Variants in SPRED1 observed in about 807,000 individuals in gnomAD.
SPRED1 encodes sprouty-related, EVH1 domain-containing protein 1.
Under a neutral mutation model 52.3 loss-of-function variants are expected in SPRED1, and 18 were observed. That is an observed-to-expected ratio of 0.34 (90% CI 0.24 to 0.51). The LOEUF is 0.51. Among genes scored for constraint, SPRED1 ranks in the 20% least tolerant of loss-of-function variants. The pLI is 0.97. For missense variants in SPRED1, 485 were observed against 551.0 expected, an observed-to-expected ratio of 0.88 and a Z score of 1.20; for synonymous variants, 155 against 179.7, an observed-to-expected ratio of 0.86 and a Z score of 1.10.
chr15:38,346,266 A>G (rs1211882481), intron 5 of SPRED1, among the ~76,000 whole-genome samples: 1 of 151,798 alleles, frequency 6.6e-6, no homozygotes, highest in Non-Finnish European at 1.5e-5. Context: ...ACAGTGAGCC[A>G]CGTACGCCAT....
chr15:38,301,620 G>A (rs1167236479), intron 2 of SPRED1, among the ~76,000 whole-genome samples: 3 of 152,094 alleles, frequency 2.0e-5, no homozygotes, highest in Non-Finnish European at 4.4e-5. Context: ...TGAAAATAGC[G>A]AAGTCTTGTG....
chr15:38,340,933 T>C (rs986645202), intron 5 of SPRED1, among the ~76,000 whole-genome samples: 1 of 151,966 alleles, frequency 6.6e-6, no homozygotes, highest in African/African-American at 2.4e-5. Flanking sequence ...GAGTTTAAGA[T>C]TGGTAGTTAT....
At chr15:38,298,387 A>G (rs554000643) in intron 1 of SPRED1, among the ~76,000 whole-genome samples, 1 of 152,306 alleles carries the variant, frequency 6.6e-6, no homozygotes, top group South Asian at 2.1e-4. Flanking sequence ...TACAAAAAAG[A>G]CATGTACAAG....
chr15:38,350,960 C>T lies in SPRED1; in HGVS notation c.685-54C>T, dbSNP rs551134910. 1.2e-3 allele frequency: 1,785 copies of T among 1,540,230 alleles called. 1 individual carries two copies. The highest frequency in any genetic ancestry group is 1.4e-3 in the South Asian group (119 of 86,822). ...GGACACTGGCCCCACCAAGGTGACA[C>T]GTAAAATTAACCATCATAGCCCTCA... On this transcript the variant is annotated intron_variant, in intron 6 of 6. Transcript: ENST00000299084.
chr15:38,350,792 A>G (rs1436130683), intron 6 of SPRED1, among the ~76,000 whole-genome samples: 1 of 152,164 alleles, frequency 6.6e-6, no homozygotes, highest in Non-Finnish European at 1.5e-5. Flanking sequence ...TCTTAGTTCT[A>G]GTAAAGCCTT....
chr15:38,263,243 G>GT (rs1442934900), intron 1 of SPRED1, among the ~76,000 whole-genome samples: 1 of 152,174 alleles, frequency 6.6e-6, no homozygotes, highest in African/African-American at 2.4e-5. Flanking sequence ...GATGAACCCG[G>GT]TTTTTTAAAT....
intron 1 of SPRED1, among the ~76,000 whole-genome samples, chr15:38,274,121 T>A (rs2056506): frequency 0.83 from 125,613 of 152,168 alleles, 52,604 homozygotes; most frequent in Non-Finnish European, 0.9. Flanking sequence ...GAGTCTACTT[T>A]AAGATCACAG....
At chr15:38,314,751 T>C (rs1324325239) in intron 2 of SPRED1, among the ~76,000 whole-genome samples, 4 of 151,948 alleles carry the variant, frequency 2.6e-5, no homozygotes, top group African/African-American at 7.2e-5. Context: ...CTGTTTTTTA[T>C]ATTAACTATT....
intron 1 of SPRED1, among the ~76,000 whole-genome samples, chr15:38,266,961 T>C (rs1226666276): frequency 6.6e-6 from 1 of 152,222 alleles, no homozygotes; most frequent in Non-Finnish European, 1.5e-5. Context: ...AATTACTGGC[T>C]AATAGCAGAT....
chr15:38,330,455 C>T (rs577519179), intron 4 of SPRED1, among the ~76,000 whole-genome samples: 41 of 152,238 alleles, frequency 2.7e-4, no homozygotes, highest in Non-Finnish European at 4.9e-4. Context: ...GAATAGGAGA[C>T]AGTTGTGGCC....
In SPRED1 at chr15:38,350,770, G is replaced by C. The variant is rs12913505; in HGVS notation, c.685-244G>C. Among the ~76,000 whole-genome samples, 125,286 of 152,156 alleles carry C rather than the reference G, an allele frequency of 0.82. 52,385 individuals carry two copies. The highest frequency in any genetic ancestry group is 0.9 in the Non-Finnish European group (60,974 of 68,010). On this transcript the variant is annotated intron_variant, in intron 6 of 6. Coordinates refer to ENST00000299084, the MANE Select transcript of SPRED1 (RefSeq NM_152594.3). ...TGCTGGCAGAATTTCTTCTTGCTCA[G>C]GGGGAGCTCAGTCTTAGTTCTAGTA...
chr15:38,285,181 A>C (rs1894778893), intron 1 of SPRED1, among the ~76,000 whole-genome samples: 1 of 152,126 alleles, frequency 6.6e-6, no homozygotes, highest in South Asian at 2.1e-4. Flanking sequence ...ACCACCTCCA[A>C]ATTAAAATGT....
intron 2 of SPRED1, among the ~76,000 whole-genome samples, chr15:38,300,232 C>CCATACTAATTTCCATACAAAGAA (rs1895125535): frequency 6.6e-6 from 1 of 152,082 alleles, no homozygotes. Context: ...AAAGCTCCTT[C>CCATACTAATTTCCATACAAAGAA]ACTTTCTTTG....
intron 4 of SPRED1, among the ~76,000 whole-genome samples, chr15:38,331,969 A>G (rs941359258): frequency 7.2e-5 from 11 of 152,202 alleles, no homozygotes; most frequent in African/African-American, 2.7e-4. Context: ...AATGCCCATA[A>G]TCAGAGTATT....
chr15:38,288,105 CTCTA>C (rs1398935950), intron 1 of SPRED1, among the ~76,000 whole-genome samples: 1 of 152,080 alleles, frequency 6.6e-6, no homozygotes, highest in East Asian at 1.9e-4. Flanking sequence ...GTTTTCACCT[CTCTA>C]TCATTAAGAG....
Position 38,252,920 on chromosome 15 carries a change from C to T in SPRED1, c.-266C>T, listed in dbSNP as rs1894008698. ...TCTTTTTCCCTTTCCACCGGGCCTCCTCGGATCCCTTGGCTGGGCACTGAG... is the reference window on the plus strand; with the variant it reads ...TCTTTTTCCCTTTCCACCGGGCCTCTTCGGATCCCTTGGCTGGGCACTGAG... On this transcript the variant is annotated 5_prime_UTR_variant, in exon 1 of 7. Coordinates refer to ENST00000299084, the MANE Select transcript of SPRED1 (RefSeq NM_152594.3). 3.5e-6 allele frequency: 2 copies of T among 574,710 alleles called. No individual in the cohort carries two copies. The highest frequency in any genetic ancestry group is 6.2e-6 in the Non-Finnish European group (2 of 322,024). The allele number at this position is 574,710 out of a possible 1,614,324, so 35.6% of individuals were successfully genotyped here.
intron 4 of SPRED1, among the ~76,000 whole-genome samples, chr15:38,339,219 A>C (rs961656369): frequency 3.9e-5 from 6 of 152,114 alleles, no homozygotes; most frequent in Admixed American, 2.6e-4. Flanking sequence ...ATAAGAGTAC[A>C]TGATTTAAAT....
At position 38,352,952 on chromosome 15, in the gene SPRED1, C is replaced by T. The variant is rs1204909433; in HGVS notation, c.*1288C>T. 6.6e-6 allele frequency: 1 copy of T among 152,054 alleles called. No homozygotes were observed. Among genetic ancestry groups the T allele is most frequent in the African/African-American group, 2.4e-5 (1 of 41,408 alleles). The allele number at this position is 152,054 out of a possible 1,614,324, so 9.4% of individuals were successfully genotyped here. A position where few individuals can be genotyped will look rare whatever the true frequency, so the allele number is the denominator to read the frequency against. ...ATTTCTTTTGCAGAGCATTATATTA[C>T]TGGATGTTTAATTTACAAAATAGTT... On this transcript the variant is annotated 3_prime_UTR_variant, in exon 7 of 7. Coordinates refer to ENST00000299084, the MANE Select transcript of SPRED1 (RefSeq NM_152594.3).
At chr15:38,331,638 G>A (rs1895809616) in intron 4 of SPRED1, among the ~76,000 whole-genome samples, 1 of 151,964 alleles carries the variant, frequency 6.6e-6, no homozygotes, top group Non-Finnish European at 1.5e-5. Flanking sequence ...TTTTACTAGG[G>A]TAGGTATATT....
Sources: gnomAD v4.1 joint callset for allele counts (sites outside exome capture counted in the v4.1 genomes callset) on GRCh38, gnomAD v4.1.1 for gene constraint, MANE v1.5 for transcripts, NCBI Gene and HGNC (gene_info 2026-07-23, HGNC 2026-07-21) for gene names.